Variants in SND1 observed in about 807,000 individuals in gnomAD.
The protein encoded by SND1 is staphylococcal nuclease domain-containing protein 1.
In SND1, 38 loss-of-function variants were observed where a neutral mutation model predicts 121.7. The observed-to-expected ratio is 0.31, with a 90% CI of 0.24 to 0.41. The LOEUF is 0.41. SND1 is among the 10% of genes least tolerant of loss of function. SND1 has a pLI of 1.00. For synonymous variants in SND1, 401 were observed against 447.4 expected (o/e 0.90, Z 1.31); for missense variants, 868 against 1,184.6 (o/e 0.73, Z 3.92).
chr7:127,681,385 C>T (rs984853223), intron 1 of SND1, among the ~76,000 whole-genome samples: 1 of 152,060 alleles, frequency 6.6e-6, no homozygotes, highest in African/African-American at 2.4e-5. Flanking sequence ...ATACTAGACC[C>T]TTGTCAGATA....
chr7:127,687,725 C>T (rs982326336), intron 2 of SND1, among the ~76,000 whole-genome samples: 3 of 151,980 alleles, frequency 2.0e-5, no homozygotes, highest in African/African-American at 4.8e-5. Flanking sequence ...TCTCTGTTGC[C>T]CGGGCTGGAG....
At chr7:127,981,553 A>G (rs1802262996) in intron 15 of SND1, among the ~76,000 whole-genome samples, 2 of 151,954 alleles carry the variant, frequency 1.3e-5, no homozygotes, top group South Asian at 4.2e-4. Flanking sequence ...CTTAAAAATC[A>G]TTGTTTTCAG....
In SND1 at chr7:128,052,749, T is replaced by G. The variant is rs1418396342; in HGVS notation, c.1780-21753T>G. On this transcript the variant is annotated intron_variant, in intron 16 of 23. Transcript: ENST00000354725. This position sits in a 1 kb window ranked among gnomAD's most constrained non-coding sequence, Gnocchi z 4.6. ...CGATGGGCTGTGTCTGGAATGCCAG[T>G]CTTGTGTCCCACCCTACTTTTGTGC... Among the ~76,000 whole-genome samples, 1 of 152,224 alleles carries G rather than the reference T, an allele frequency of 6.6e-6. No individual in the cohort carries two copies. Among genetic ancestry groups the G allele is most frequent in the African/African-American group, 2.4e-5 (1 of 41,464 alleles).
chr7:127,724,910 A>T (rs1171276400), intron 10 of SND1, among the ~76,000 whole-genome samples: 1 of 152,158 alleles, frequency 6.6e-6, no homozygotes, highest in African/African-American at 2.4e-5. Flanking sequence ...AGAACTATGG[A>T]TGCTGCTCCA....
chr7:128,081,170 G>C (rs542318161), intron 17 of SND1, among the ~76,000 whole-genome samples, 190 bp from the exon 18 acceptor site: 1 of 152,140 alleles, frequency 6.6e-6, no homozygotes, highest in South Asian at 2.1e-4. Context: ...CTAATTTTTT[G>C]TATTTTTAGT....
At chr7:127,764,053 C>CA (rs1249166503) in intron 10 of SND1, among the ~76,000 whole-genome samples, 4 of 130,620 alleles carry the variant, frequency 3.1e-5, no homozygotes, top group Admixed American at 1.6e-4. Flanking sequence ...AAAAAAAAAA[C>CA]AAAAAAACAA....
At chr7:127,910,881 G>A (rs1243297610) in intron 14 of SND1, among the ~76,000 whole-genome samples, 1 of 152,142 alleles carries the variant, frequency 6.6e-6, no homozygotes, top group African/African-American at 2.4e-5. Context: ...CCTAGCACTG[G>A]AGCTTCATTC....
At chr7:127,920,229 G>A (rs2116798164) in intron 14 of SND1, among the ~76,000 whole-genome samples, 1 of 152,218 alleles carries the variant, frequency 6.6e-6, no homozygotes. Context: ...AAAGAGATAA[G>A]ACATTTTGTC....
At chr7:127,659,564 T>C (rs533081211) in intron 1 of SND1, among the ~76,000 whole-genome samples, 2 of 152,330 alleles carry the variant, frequency 1.3e-5, no homozygotes, top group South Asian at 4.1e-4. Flanking sequence ...CTTTGGGTTC[T>C]TAGTTCTGTT....
At chr7:127,695,021 A>G (rs1421518275) in intron 3 of SND1, 73 bp downstream of exon 3, 1 of 1,561,072 alleles carries the variant, frequency 6.4e-7, no homozygotes, top group Non-Finnish European at 8.7e-7. Flanking sequence ...TTGTGGTGGA[A>G]GGCCAGTGTG....
intron 12 of SND1, chr7:127,858,470 C>A (rs934976680): frequency 1.5e-5 from 9 of 616,664 alleles, no homozygotes; most frequent in Non-Finnish European, 2.6e-5. Context: ...TGAGGCCTGG[C>A]GTGGGGTCTC....
chr7:127,714,530 G>A (rs1157536076), intron 9 of SND1, among the ~76,000 whole-genome samples: 1 of 152,090 alleles, frequency 6.6e-6, no homozygotes, highest in Admixed American at 6.5e-5. Context: ...ATTTTTAAGT[G>A]TACAGTTCAG....
intron 16 of SND1, among the ~76,000 whole-genome samples, chr7:128,073,834 C>A (rs959683479): frequency 3.9e-5 from 6 of 152,092 alleles, no homozygotes; most frequent in African/African-American, 1.4e-4. Context: ...CCTGGGTCCT[C>A]GGGATGAGAC....
At chr7:128,034,075 A>T (rs539844026) in intron 16 of SND1, among the ~76,000 whole-genome samples, 12 of 152,322 alleles carry the variant, frequency 7.9e-5, no homozygotes, top group African/African-American at 2.9e-4. Flanking sequence ...GTCACACACT[A>T]GAAAGTAACA....
At chr7:127,904,854 A>C in intron 14 of SND1, 35 bp downstream of exon 14, 16 of 1,281,456 alleles carry the variant, frequency 1.2e-5, no homozygotes, top group Non-Finnish European at 1.7e-5. Context: ...TGTGTGGCTC[A>C]GAGGCTCAAG....
chr7:127,827,850 C>G (rs1798671072), intron 11 of SND1, among the ~76,000 whole-genome samples: 1 of 151,530 alleles, frequency 6.6e-6, no homozygotes, highest in African/African-American at 2.4e-5. Flanking sequence ...ATATTATGCA[C>G]CTATTTTTAA....
chr7:127,985,905 C>T (rs1170130486), intron 15 of SND1, among the ~76,000 whole-genome samples: 1 of 152,140 alleles, frequency 6.6e-6, no homozygotes, highest in African/African-American at 2.4e-5. Context: ...CAGTAGACAC[C>T]GTTGACTAAT....
chr7:127,716,913 A>G (rs984440610), intron 9 of SND1, among the ~76,000 whole-genome samples: 2 of 152,214 alleles, frequency 1.3e-5, no homozygotes, highest in Admixed American at 6.5e-5. Context: ...AGATTGTCTC[A>G]CTAGAAAGGT....
chr7:127,897,707 G>A (rs1475699817), intron 13 of SND1, among the ~76,000 whole-genome samples: 1 of 152,062 alleles, frequency 6.6e-6, no homozygotes, highest in Non-Finnish European at 1.5e-5. Flanking sequence ...TATTCCTCAT[G>A]GCATTATCTA....
Sources: allele counts gnomAD v4.1 joint callset (sites outside exome capture counted in the v4.1 genomes callset), GRCh38; gene constraint gnomAD v4.1.1; non-coding constraint Gnocchi (gnomAD v3.1); transcripts MANE v1.5; gene names NCBI Gene and HGNC (gene_info 2026-07-23, HGNC 2026-07-21).